The following DPY19L1 variants were observed in gnomAD, a reference collection of about 807,000 sequenced individuals.
DPY19L1 encodes dpy-19 like C-mannosyltransferase 1.
DPY19L1 carries 35 observed loss-of-function variants against 96.9 expected under a neutral mutation model. The ratio of observed to expected loss-of-function variants is 0.36; its 90% CI spans 0.28 to 0.48. The LOEUF (loss-of-function observed/expected upper bound fraction) is 0.48. Among genes scored for constraint, DPY19L1 ranks in the 20% least tolerant of loss-of-function variants. The probability of loss-of-function intolerance (pLI) is 0.99; values close to 1 mark genes in which losing one functional copy is unlikely to be tolerated. For missense variants in DPY19L1, 521 were observed against 777.9 expected (o/e 0.67, Z 3.93); for synonymous variants, 205 against 252.6 (o/e 0.81, Z 1.79).
chr7:35,008,375 G>A (rs1248324601), intron 6 of DPY19L1, among the ~76,000 whole-genome samples: 5 of 152,178 alleles, frequency 3.3e-5, no homozygotes, highest in Non-Finnish European at 7.3e-5. Context: ...ACAGGGTTAG[G>A]TCAGGTCAGG....
At chr7:34,959,570 T>C (rs1369689651) in intron 10 of DPY19L1, among the ~76,000 whole-genome samples, 4 of 152,080 alleles carry the variant, frequency 2.6e-5, no homozygotes, top group East Asian at 1.9e-4. Flanking sequence ...TGCAGGGACA[T>C]AGATGAAGCT....
intron 5 of DPY19L1, 146 bp from the exon 6 acceptor site, chr7:35,010,707 C>T: frequency 1.5e-6 from 1 of 649,552 alleles, no homozygotes; most frequent in South Asian, 1.8e-5. Flanking sequence ...GAAAACACAA[C>T]ACTACTGCAG....
At chr7:34,952,724 C>A (rs1429057643) in intron 13 of DPY19L1, among the ~76,000 whole-genome samples, 4 of 152,052 alleles carry the variant, frequency 2.6e-5, no homozygotes, top group Non-Finnish European at 4.4e-5. Flanking sequence ...TAGATCAACA[C>A]TCATATATCA....
rs369149396 is a variant in DPY19L1 at position 35,005,953 on chromosome 7, A to C, written c.764+4515T>G. Among the ~76,000 whole-genome samples, 22 of 152,308 alleles carry C rather than the reference A, an allele frequency of 1.4e-4. 1 individual carries two copies. In the East Asian group the frequency reaches 3.9e-3, roughly 27 times the overall value. On this transcript the variant is annotated intron_variant, in intron 6 of 21. Coordinates refer to ENST00000638088, the MANE Select transcript of DPY19L1 (RefSeq NM_001366673.1). The stretch of plus-strand genomic sequence containing the variant: ...AAAGAACTGGCAGCCAGTAGGGATA[A>C]ATCTAATACCTACAAAGGAATGAGC...
In DPY19L1 at chr7:35,017,897, A is replaced by G; in HGVS notation, c.396T>C (p.Ala132=). 1 of 1,604,858 alleles carries G rather than the reference A, an allele frequency of 6.2e-7. No individual in the cohort carries two copies. Among genetic ancestry groups the G allele is most frequent in the Non-Finnish European group, 8.5e-7 (1 of 1,174,958 alleles). The change falls in exon 3 of 22, where the codon GCT becomes GCC. Residue 132 remains alanine (A), a synonymous_variant. Coordinates refer to ENST00000638088, the MANE Select transcript of DPY19L1 (RefSeq NM_001366673.1). ...SHLSTLEREM[A]FRTEMGLYYS... is the part of the protein sequence containing the mutation. ...AAAAACTAACCATTTCAGTGCGAAAAGCCATCTCCCTTTCCAATGTTGAGA... is the reference window on the plus strand; with the variant it reads ...AAAAACTAACCATTTCAGTGCGAAAGGCCATCTCCCTTTCCAATGTTGAGA...
At chr7:34,975,302 C>G (rs570881977) in intron 7 of DPY19L1, among the ~76,000 whole-genome samples, 6 of 152,266 alleles carry the variant, frequency 3.9e-5, no homozygotes, top group Non-Finnish European at 8.8e-5. Flanking sequence ...AACCTTATTG[C>G]TGATACGCAG....
intron 20 of DPY19L1, 97 bp from the exon 21 acceptor site, chr7:34,938,216 A>G: frequency 7.6e-7 from 1 of 1,323,372 alleles, no homozygotes; most frequent in Non-Finnish European, 1.0e-6. Flanking sequence ...AAGACGATGA[A>G]GAAGAATCCA....
chr7:34,978,878 G>C (rs1173635577), intron 7 of DPY19L1, among the ~76,000 whole-genome samples: 1 of 152,014 alleles, frequency 6.6e-6, no homozygotes, highest in East Asian at 1.9e-4. Flanking sequence ...TGGACTTTTT[G>C]AGTATTTCAG....
At chr7:35,031,063 T>C (rs1786248577) in intron 1 of DPY19L1, among the ~76,000 whole-genome samples, 1 of 152,128 alleles carries the variant, frequency 6.6e-6, no homozygotes, top group South Asian at 2.1e-4. Context: ...AAACAGGAAT[T>C]TAGGATTAAA....
chr7:35,018,025 T>C, intron 2 of DPY19L1, 56 bp from the exon 3 acceptor site: 1 of 1,329,278 alleles, frequency 7.5e-7, no homozygotes, highest in South Asian at 1.4e-5. Flanking sequence ...GTATTATTTT[T>C]TAAAGTAAGC....
chr7:35,005,104 T>C (rs1785520008), intron 6 of DPY19L1, among the ~76,000 whole-genome samples: 2 of 152,176 alleles, frequency 1.3e-5, no homozygotes, highest in South Asian at 4.1e-4. Flanking sequence ...TCAACTTAAG[T>C]ACTTTTATAA....
Position 35,037,471 on chromosome 7 carries a change from C to A in DPY19L1, c.-77G>T. On this transcript the variant is annotated 5_prime_UTR_variant, in exon 1 of 22. Transcript: ENST00000638088. ...ACGGCGGGCTGGCTGGGCGGCTGGG[C>A]GCAGCTCACTCTCCAGCGGGCGGGC... is the stretch of plus-strand genomic sequence containing the variant. 3.2e-6 allele frequency: 1 copy of A among 311,878 alleles called. No individual in the cohort carries two copies. Among genetic ancestry groups the A allele is most frequent in the East Asian group, 4.7e-5 (1 of 21,328 alleles). 19.3% of individuals were successfully genotyped at this position (311,878 alleles called of 1,614,324 possible).
intron 1 of DPY19L1, among the ~76,000 whole-genome samples, chr7:35,024,082 C>A (rs759079057): frequency 6.6e-6 from 1 of 151,940 alleles, no homozygotes; most frequent in Non-Finnish European, 1.5e-5. Flanking sequence ...GTGATCCCCC[C>A]GCCTCAGCCT....
chr7:34,986,246 G>A (rs1353029689), intron 7 of DPY19L1, among the ~76,000 whole-genome samples: 1 of 151,966 alleles, frequency 6.6e-6, no homozygotes, highest in Non-Finnish European at 1.5e-5. Context: ...GTTCCACTTG[G>A]TGACTACAGT....
chr7:35,019,358 G>C (rs992878910), intron 1 of DPY19L1, among the ~76,000 whole-genome samples: 1 of 152,138 alleles, frequency 6.6e-6, no homozygotes, highest in Non-Finnish European at 1.5e-5. Flanking sequence ...GCATCATCTC[G>C]AGCCCAGGAA....
At chr7:34,988,894 T>C (rs1432832242) in intron 7 of DPY19L1, among the ~76,000 whole-genome samples, 2 of 152,226 alleles carry the variant, frequency 1.3e-5, no homozygotes, top group South Asian at 2.1e-4. Context: ...AACAATTACA[T>C]AGCAGCTACC....
chr7:34,939,497 A>G (rs1156365172), intron 19 of DPY19L1, 122 bp from the exon 20 acceptor site: 2 of 700,312 alleles, frequency 2.9e-6, no homozygotes, highest in Admixed American at 2.8e-5. Context: ...CATGACTTCA[A>G]GATTCAATGG....
At chr7:34,988,590 G>A (rs1408820114) in intron 7 of DPY19L1, among the ~76,000 whole-genome samples, 1 of 152,058 alleles carries the variant, frequency 6.6e-6, no homozygotes. Flanking sequence ...GTCCAGCATT[G>A]ACTCTGCATT....
intron 20 of DPY19L1, 129 bp downstream of exon 20, chr7:34,939,147 C>T: frequency 1.3e-6 from 1 of 760,010 alleles, no homozygotes. Context: ...CAGCTTTCTG[C>T]TCCCTGACTC....
Sources: gnomAD v4.1 joint callset for allele counts (sites outside exome capture counted in the v4.1 genomes callset) on GRCh38, gnomAD v4.1.1 for gene constraint, MANE v1.5 for transcripts, NCBI Gene and HGNC (gene_info 2026-07-23, HGNC 2026-07-21) for gene names.